Variants in PPP2R1B observed in about 807,000 individuals in gnomAD.
The protein encoded by PPP2R1B is protein phosphatase 2 scaffold subunit Abeta, also known as serine/threonine-protein phosphatase 2A 65 kDa regulatory subunit A beta isoform.
PPP2R1B carries 58 observed loss-of-function variants against 72.7 expected under a neutral mutation model. The ratio of observed to expected loss-of-function variants is 0.80; its 90% CI spans 0.65 to 0.99. PPP2R1B has a LOEUF of 0.99. PPP2R1B is among the 50% of genes least tolerant of loss of function. The pLI is 0.00. For missense variants in PPP2R1B, 695 were observed against 733.6 expected, an observed-to-expected ratio of 0.95 and a Z score of 0.61; for synonymous variants, 256 against 264.6, an observed-to-expected ratio of 0.97 and a Z score of 0.32.
At chr11:111,717,735 A>G in the PPP2R1B span, among the ~76,000 whole-genome samples, 1 of 152,258 alleles carries the variant, frequency 6.6e-6, no homozygotes, top group African/African-American at 2.4e-5. Flanking sequence ...AATGTGGTAC[A>G]TATACACCAT....
At chr11:111,753,786 T>G (rs546048638) in intron 8 of PPP2R1B, among the ~76,000 whole-genome samples, 10 of 152,110 alleles carry the variant, frequency 6.6e-5, no homozygotes, top group African/African-American at 2.4e-4. Context: ...CCTGGCTAAT[T>G]TTTTTCATTT....
the PPP2R1B span, among the ~76,000 whole-genome samples, chr11:111,716,305 A>G: frequency 6.6e-6 from 1 of 152,130 alleles, no homozygotes; most frequent in Non-Finnish European, 1.5e-5. Context: ...ACATCTGGCC[A>G]GGTGCGGTGG....
chr11:111,758,461 G>A (rs1555050348), intron 5 of PPP2R1B, among the ~76,000 whole-genome samples: 1 of 152,122 alleles, frequency 6.6e-6, no homozygotes, highest in East Asian at 1.9e-4. Context: ...GTGGTGGCAT[G>A]CGCCTGTAGT....
chr11:111,737,383 C>A (rs1944368762), downstream of PPP2R1B: 3 of 1,611,488 alleles, frequency 1.9e-6, no homozygotes, highest in African/African-American at 4.0e-5. Context: ...TCCCTGCACA[C>A]CATGCCACCC....
At chr11:111,721,530 T>TGG in the PPP2R1B span, among the ~76,000 whole-genome samples, 4 of 152,230 alleles carry the variant, frequency 2.6e-5, no homozygotes, top group Non-Finnish European at 5.9e-5. Flanking sequence ...TTTGAGCCTA[T>TGG]TTTCAGTGCA....
Position 111,753,415 on chromosome 11 carries a change from A to G in PPP2R1B, c.1164+28T>C, listed in dbSNP as rs1944985199. The G allele has an allele frequency of 2.5e-6, 4 of 1,594,044 alleles. No homozygotes were observed. In the East Asian group the frequency reaches 8.9e-5, roughly 36 times the overall value. On this transcript the variant is annotated intron_variant, in intron 9 of 14. Transcript: ENST00000527614. ...TCAAATAAAATCAAATTACTATCAA[A>G]GGCAACAGAACATAAAGCAAGACCC...
chr11:111,725,680 C>T (rs946278550), downstream of PPP2R1B: 5 of 152,670 alleles, frequency 3.3e-5, no homozygotes, highest in Non-Finnish European at 7.3e-5. Flanking sequence ...CTAGAAAACA[C>T]CTTTAAGTTG....
the PPP2R1B span, chr11:111,721,832 A>C: frequency 6.2e-7 from 1 of 1,605,972 alleles, no homozygotes; most frequent in Non-Finnish European, 8.5e-7. Flanking sequence ...CTCCTCAGGA[A>C]GAAGTTTCTC....
intron 3 of PPP2R1B, among the ~76,000 whole-genome samples, chr11:111,763,041 C>T (rs1379883920): frequency 1.3e-5 from 2 of 152,078 alleles, no homozygotes; most frequent in Admixed American, 6.6e-5. Context: ...GTGATGAGTA[C>T]TCTATAGAAA....
chr11:111,764,948 C>A, intron 2 of PPP2R1B, 43 bp from the exon 3 acceptor site: 1 of 1,604,962 alleles, frequency 6.2e-7, no homozygotes. Flanking sequence ...GGATAGCTCT[C>A]CCACAGCTGG....
In PPP2R1B at chr11:111,739,740, T is replaced by C. The variant is rs2136036222; in HGVS notation, c.*1856A>G. On this transcript the variant is annotated 3_prime_UTR_variant, in exon 15 of 15. Coordinates refer to ENST00000527614, the MANE Select transcript of PPP2R1B (RefSeq NM_002716.5). ...ATATGAAATTCAATGAAGAAGAACA[T>C]AACTTGCAGGTAACAAAAAATAAAG... is the stretch of plus-strand genomic sequence containing the variant. 4.1e-6 allele frequency: 4 copies of C among 982,524 alleles called. No homozygotes were observed. Among genetic ancestry groups the C allele is most frequent in the Non-Finnish European group, 4.8e-6 (4 of 827,306 alleles). 60.9% of individuals were successfully genotyped at this position (982,524 alleles called of 1,614,324 possible). A position where few individuals can be genotyped will look rare whatever the true frequency, so the allele number is the denominator to read the frequency against.
intron 2 of PPP2R1B, 39 bp from the exon 3 acceptor site, chr11:111,764,944 C>G: frequency 6.2e-7 from 1 of 1,607,200 alleles, no homozygotes; most frequent in Non-Finnish European, 8.5e-7. Flanking sequence ...ACATGGATAG[C>G]TCTCCCACAG....
At chr11:111,755,791 C>T (rs188372917) in intron 5 of PPP2R1B, among the ~76,000 whole-genome samples, 40 of 151,874 alleles carry the variant, frequency 2.6e-4, no homozygotes, top group Admixed American at 1.3e-4. Context: ...AGTTTCACCA[C>T]GTTGGCCAGC....
chr11:111,734,073 G>A (rs1944271814), downstream of PPP2R1B, among the ~76,000 whole-genome samples: 1 of 152,182 alleles, frequency 6.6e-6, no homozygotes, highest in Non-Finnish European at 1.5e-5. Flanking sequence ...AGCACAGGCT[G>A]GCTGGTTTCA....
chr11:111,732,513 A>T (rs1372505625), intron 15 of PPP2R1B, among the ~76,000 whole-genome samples: 3 of 152,216 alleles, frequency 2.0e-5, no homozygotes, highest in African/African-American at 7.2e-5. Context: ...CAACATGGTG[A>T]AACCCCATCT....
chr11:111,739,152 T>C lies in PPP2R1B; in HGVS notation c.*2444A>G, dbSNP rs1360112822. 1.7e-5 allele frequency: 17 copies of C among 985,228 alleles called. No individual in the cohort carries two copies. Among genetic ancestry groups the C allele is most frequent in the Admixed American group, 6.2e-5 (1 of 16,244 alleles). The allele number at this position is 985,228 out of a possible 1,614,324, so 61.0% of individuals were successfully genotyped here. On this transcript the variant is annotated 3_prime_UTR_variant, in exon 15 of 15. Transcript: ENST00000527614. ...TTTGATTATTTGTTCCATGCACACA[T>C]TGGAGGATATTTTAGAAATTCATCC...
At chr11:111,704,073 G>A in the PPP2R1B span, among the ~76,000 whole-genome samples, 2 of 152,174 alleles carry the variant, frequency 1.3e-5, no homozygotes, top group African/African-American at 4.8e-5. Context: ...ATCAAATGCC[G>A]CCTTGTTTGC....
At chr11:111,722,495 T>C (rs1052035529), downstream of PPP2R1B, among the ~76,000 whole-genome samples, 5 of 152,258 alleles carry the variant, frequency 3.3e-5, no homozygotes, top group Non-Finnish European at 7.3e-5. This position sits in a 1 kb window ranked among gnomAD's most constrained non-coding sequence, Gnocchi z 4.4. Flanking sequence ...GGCCCAGGCC[T>C]GCGGGCCCGA....
the PPP2R1B span, among the ~76,000 whole-genome samples, chr11:111,704,261 G>A: frequency 1.5e-3 from 230 of 152,286 alleles, no homozygotes; most frequent in African/African-American, 5.0e-3. Context: ...TGTGATTTTT[G>A]CTGAGAGTGC....
Sources: gnomAD v4.1 joint callset for allele counts (sites outside exome capture counted in the v4.1 genomes callset) on GRCh38, gnomAD v4.1.1 for gene constraint, Gnocchi (gnomAD v3.1) non-coding constraint, MANE v1.5 for transcripts, NCBI Gene and HGNC (gene_info 2026-07-23, HGNC 2026-07-21) for gene names.